The following FAM177A1 variants were observed in gnomAD, a reference collection of about 807,000 sequenced individuals.
The protein encoded by FAM177A1 is protein FAM177A1.
A neutral mutation model predicts 26.1 loss-of-function variants in FAM177A1; 22 were observed. The observed-to-expected ratio is 0.84, with a 90% CI of 0.60 to 1.20. FAM177A1 has a LOEUF of 1.20. Among genes scored for constraint, FAM177A1 ranks in the 50% most tolerant of loss-of-function variants. The pLI, the probability that FAM177A1 is intolerant of heterozygous loss-of-function variation, is 0.00. For synonymous variants in FAM177A1, 95 were observed against 99.3 expected (o/e 0.96, Z 0.26); for missense variants, 296 against 291.1 (o/e 1.02, Z -0.12).
intron 2 of FAM177A1, among the ~76,000 whole-genome samples, chr14:35,060,121 G>GCAC (rs1171147811): frequency 6.6e-6 from 1 of 151,954 alleles, no homozygotes; most frequent in Non-Finnish European, 1.5e-5. Context: ...TTACTGGCAT[G>GCAC]CACCACCATG....
chr14:35,076,908 G>A (rs1302974662), intron 2 of FAM177A1, among the ~76,000 whole-genome samples: 1 of 152,180 alleles, frequency 6.6e-6, no homozygotes, highest in Non-Finnish European at 1.5e-5. Context: ...CATTTCAGCG[G>A]CTGCATCTTT....
intron 2 of FAM177A1, among the ~76,000 whole-genome samples, chr14:35,064,643 C>A (rs531512535): frequency 6.7e-6 from 1 of 149,710 alleles, no homozygotes; most frequent in African/African-American, 2.4e-5. Flanking sequence ...AAAAGAGATA[C>A]AATTTATTTC....
chr14:35,080,053 GTC>G (rs33980744), intron 4 of FAM177A1, among the ~76,000 whole-genome samples: 1 of 151,502 alleles, frequency 6.6e-6, no homozygotes, highest in Non-Finnish European at 1.5e-5. Flanking sequence ...CTCCTAAATG[GTC>G]TCTATTCTCA....
At chr14:35,050,254 C>G (rs956716352) in intron 1 of FAM177A1, 12 of 152,188 alleles carry the variant, frequency 7.9e-5, no homozygotes, top group African/African-American at 2.9e-4. Flanking sequence ...AGTTGTCTGC[C>G]CGCCTCAGTC....
chr14:35,074,518 G>T (rs1418528555), intron 2 of FAM177A1, among the ~76,000 whole-genome samples: 2 of 151,628 alleles, frequency 1.3e-5, no homozygotes, highest in Non-Finnish European at 2.9e-5. Context: ...TAGAGACGGG[G>T]TTTCTCCATG....
chr14:35,069,966 A>C (rs2045292772), intron 2 of FAM177A1, among the ~76,000 whole-genome samples: 1 of 151,158 alleles, frequency 6.6e-6, no homozygotes, highest in Non-Finnish European at 1.5e-5. Context: ...AAATACAAAA[A>C]TTAGGTGGGC....
Position 35,053,204 on chromosome 14 carries a change from A to G in FAM177A1, c.166-74A>G, listed in dbSNP as rs1039565508. 66 of 1,403,524 alleles carry G rather than the reference A, an allele frequency of 4.7e-5. No individual in the cohort carries two copies. In the African/African-American group the frequency reaches 8.7e-4, roughly 19 times the overall value. 86.9% of individuals were successfully genotyped at this position (1,403,524 alleles called of 1,614,324 possible). A position where few individuals can be genotyped will look rare whatever the true frequency, so the allele number is the denominator to read the frequency against. Reference sequence around the variant, plus strand: ...ATTTCTTTACTACAATAAACCTACCAAAAGTTTTTCACGTGTAATGAAAGA... The same window carrying G: ...ATTTCTTTACTACAATAAACCTACCGAAAGTTTTTCACGTGTAATGAAAGA... On this transcript the variant is annotated intron_variant, in intron 1 of 4. Coordinates refer to ENST00000280987, the MANE Select transcript of FAM177A1 (RefSeq NM_173607.5).
chr14:35,062,793 C>CAA (rs11285301), intron 2 of FAM177A1, among the ~76,000 whole-genome samples: 3 of 64,662 alleles, frequency 4.6e-5, no homozygotes, highest in Non-Finnish European at 6.8e-5. Context: ...GACCCTGTCT[C>CAA]AAAAAAAAAA....
rs893352249 is a variant in FAM177A1, at chr14:35,051,770, T to TA, written c.166-1508_166-1507insA. On this transcript the variant is annotated intron_variant, in intron 1 of 4. Coordinates refer to ENST00000280987, the MANE Select transcript of FAM177A1 (RefSeq NM_173607.5). ...TCCTGGCTAATGACTAAACTTACCTTTGGGAGGTAAAAGGCAGAGAAGAAT... is the reference window on the plus strand; with the variant it reads ...TCCTGGCTAATGACTAAACTTACCTTATGGGAGGTAAAAGGCAGAGAAGAAT... Among the ~76,000 whole-genome samples the TA allele has an allele frequency of 3.9e-5, 6 of 152,126 alleles. 1 individual carries two copies. Among genetic ancestry groups the TA allele is most frequent in the Non-Finnish European group, 5.9e-5 (4 of 68,012 alleles).
At chr14:35,066,980 C>T (rs1004095201) in intron 2 of FAM177A1, among the ~76,000 whole-genome samples, 5 of 152,014 alleles carry the variant, frequency 3.3e-5, no homozygotes, top group Non-Finnish European at 7.4e-5. Context: ...TTTATAGGGA[C>T]GGGGTTTCTC....
At chr14:35,051,633 G>C (rs1018219503) in intron 1 of FAM177A1, among the ~76,000 whole-genome samples, 2 of 151,984 alleles carry the variant, frequency 1.3e-5, no homozygotes, top group African/African-American at 4.8e-5. Context: ...GCCTGGTCTC[G>C]AACTCCTCAC....
intron 2 of FAM177A1, among the ~76,000 whole-genome samples, chr14:35,068,627 C>G (rs746491797): frequency 3.9e-5 from 6 of 152,166 alleles, no homozygotes; most frequent in Non-Finnish European, 8.8e-5. Context: ...ATTGGGAAGC[C>G]TTCTCCATTT....
upstream of FAM177A1, among the ~76,000 whole-genome samples, chr14:35,045,742 T>A (rs888333372): frequency 1.3e-5 from 2 of 152,188 alleles, no homozygotes; most frequent in Admixed American, 6.5e-5. Context: ...CCCTCTAACA[T>A]ACGCACACGA....
At chr14:35,063,709 A>G (rs2045195484) in intron 2 of FAM177A1, among the ~76,000 whole-genome samples, 1 of 151,946 alleles carries the variant, frequency 6.6e-6, no homozygotes. Context: ...TTATGATTCC[A>G]ATTTTGAAAT....
chr14:35,047,845 T>C (rs2044898443), intron 1 of FAM177A1, among the ~76,000 whole-genome samples: 1 of 152,156 alleles, frequency 6.6e-6, no homozygotes. Context: ...AGAATGAAGC[T>C]TTTTCAGTAG....
chr14:35,078,761 T>A (rs917506221), intron 3 of FAM177A1, among the ~76,000 whole-genome samples, 166 bp from the exon 4 acceptor site: 16 of 152,242 alleles, frequency 1.1e-4, no homozygotes, highest in Non-Finnish European at 2.1e-4. Flanking sequence ...CCGGTACTTC[T>A]TGAAGAAAAT....
intron 2 of FAM177A1, among the ~76,000 whole-genome samples, chr14:35,061,498 C>T (rs1595045248): frequency 7.7e-6 from 1 of 130,408 alleles, no homozygotes. Flanking sequence ...TTACAAATGT[C>T]TATTTGTTTT....
intron 1 of FAM177A1, chr14:35,046,886 T>C (rs867373258): frequency 1.5e-6 from 2 of 1,299,258 alleles, no homozygotes; most frequent in South Asian, 4.0e-5. Flanking sequence ...ATAGTCCAGC[T>C]TCTGGTCTAC....
chr14:35,050,157 C>T (rs1255809405), intron 1 of FAM177A1: 3 of 152,084 alleles, frequency 2.0e-5, no homozygotes, highest in African/African-American at 7.2e-5. Flanking sequence ...TAGGCACGCT[C>T]CACCGCGCCT....
Sources: gnomAD v4.1 joint callset for allele counts (sites outside exome capture counted in the v4.1 genomes callset) on GRCh38, gnomAD v4.1.1 for gene constraint, MANE v1.5 for transcripts, NCBI Gene and HGNC (gene_info 2026-07-23, HGNC 2026-07-21) for gene names.